Variants in ZNF516 observed in about 807,000 individuals in gnomAD.
The protein encoded by ZNF516 is zinc finger protein 516.
In ZNF516, 19 loss-of-function variants were observed where a neutral mutation model predicts 79.7. That is an observed-to-expected ratio of 0.24 (90% CI 0.17 to 0.35). The LOEUF is 0.35. Ranked by LOEUF, ZNF516 falls within the 10% of genes least tolerant of loss-of-function variation. ZNF516 has a pLI of 1.00. For synonymous variants in ZNF516, 877 were observed against 739.5 expected (o/e 1.19, Z -3.02); for missense variants, 1,678 against 1,679.5 (o/e 1.00, Z 0.02).
chr18:76,404,737 C>T (rs957171543), intron 3 of ZNF516, among the ~76,000 whole-genome samples: 27 of 1,746 alleles, frequency 0.015, no homozygotes, highest in Middle Eastern at 0.5. Flanking sequence ...TCAGCATGTG[C>T]GTTGTGTGTG....
At chr18:76,370,506 T>C (rs1312771965) in intron 6 of ZNF516, 22 bp downstream of exon 6, 4 of 1,588,666 alleles carry the variant, frequency 2.5e-6, no homozygotes, top group Non-Finnish European at 2.6e-6. Flanking sequence ...AACCCAGACA[T>C]CCAATTCATC....
At chr18:76,490,403 A>T (rs1029876794) in intron 1 of ZNF516, among the ~76,000 whole-genome samples, 1 of 152,262 alleles carries the variant, frequency 6.6e-6, no homozygotes, top group Non-Finnish European at 1.5e-5. Context: ...CAAAGAATGC[A>T]AGTGAAAATG....
chr18:76,420,046 C>T (rs2075485819), intron 3 of ZNF516, among the ~76,000 whole-genome samples: 1 of 152,234 alleles, frequency 6.6e-6, no homozygotes, highest in Non-Finnish European at 1.5e-5. Context: ...CTGGGGATCC[C>T]ATGGCTCCCA....
intron 1 of ZNF516, among the ~76,000 whole-genome samples, chr18:76,469,421 C>T (rs1913694507): frequency 6.6e-6 from 1 of 152,086 alleles, no homozygotes; most frequent in African/African-American, 2.4e-5. Context: ...AAAGAAGGCA[C>T]TCATGATTTT....
intron 2 of ZNF516, among the ~76,000 whole-genome samples, chr18:76,447,398 C>A (rs1912122036): frequency 6.6e-6 from 1 of 152,206 alleles, no homozygotes; most frequent in Non-Finnish European, 1.5e-5. Context: ...GGAGCAGCGC[C>A]GTGTGATAAA....
At chr18:76,496,337 C>A, upstream of ZNF516, 1 of 1,289,642 alleles carries the variant, frequency 7.8e-7, no homozygotes, top group Non-Finnish European at 1.0e-6. Flanking sequence ...AGGTGGATTC[C>A]GTCCAAGACG....
intron 1 of ZNF516, among the ~76,000 whole-genome samples, chr18:76,481,573 T>G (rs1011990285): frequency 6.6e-6 from 1 of 152,212 alleles, no homozygotes; most frequent in Non-Finnish European, 1.5e-5. Flanking sequence ...TGTGGGACTT[T>G]GATGAAGTTA....
At chr18:76,445,899 G>C (rs1912017404) in intron 2 of ZNF516, among the ~76,000 whole-genome samples, 1 of 152,258 alleles carries the variant, frequency 6.6e-6, no homozygotes, top group African/African-American at 2.4e-5. Context: ...AGGGCTATCA[G>C]CTCCTGCCTT....
intron 1 of ZNF516, among the ~76,000 whole-genome samples, chr18:76,485,201 T>G (rs1219729625): frequency 6.6e-6 from 1 of 152,182 alleles, no homozygotes; most frequent in Admixed American, 6.5e-5. Flanking sequence ...TTATGCTTGG[T>G]GTTACTCAAA....
chr18:76,370,267 T>A (rs545949741), intron 6 of ZNF516, among the ~76,000 whole-genome samples: 2 of 152,282 alleles, frequency 1.3e-5, no homozygotes, highest in Admixed American at 1.3e-4. Context: ...CGCCAGTCTA[T>A]CCCGACTTCC....
chr18:76,364,412 G>T (rs2074583670), intron 6 of ZNF516, among the ~76,000 whole-genome samples: 1 of 152,224 alleles, frequency 6.6e-6, no homozygotes, highest in Non-Finnish European at 1.5e-5. Context: ...AATCTTTTGA[G>T]CACGCCCACC....
Position 76,396,493 on chromosome 18 carries a change from C to T in ZNF516, c.1811-16190G>A, listed in dbSNP as rs146817592. Among the ~76,000 whole-genome samples the T allele has an allele frequency of 5.8e-3, 890 of 152,264 alleles. 10 individuals are homozygous for T. Among genetic ancestry groups the T allele is most frequent in the African/African-American group, 0.021 (858 of 41,548 alleles). On this transcript the variant is annotated intron_variant, in intron 3 of 6. Transcript: ENST00000443185. ...AATCTGTAGTAACTTTTATAACAGA[C>T]ATGACTAGTTAACAAAAAACTGGAT...
intron 3 of ZNF516, chr18:76,385,830 C>G (rs2074982639): frequency 6.6e-6 from 1 of 152,208 alleles, no homozygotes; most frequent in Non-Finnish European, 1.5e-5. Flanking sequence ...CTCCTCCTCC[C>G]AGGCAGCCCA....
Position 76,359,625 on chromosome 18 carries a change from A to G in ZNF516, c.*2873T>C, listed in dbSNP as rs2074501509. 1 of 152,268 alleles carries G rather than the reference A, an allele frequency of 6.6e-6. No individual in the cohort carries two copies. The highest frequency in any genetic ancestry group is 1.5e-5 in the Non-Finnish European group (1 of 68,080). The allele number at this position is 152,268 out of a possible 1,614,324, so 9.4% of individuals were successfully genotyped here. A position where few individuals can be genotyped will look rare whatever the true frequency, so the allele number is the denominator to read the frequency against. On this transcript the variant is annotated 3_prime_UTR_variant, in exon 7 of 7. Coordinates refer to ENST00000443185, the MANE Select transcript of ZNF516 (RefSeq NM_014643.4). ...AGGCCCCAGCAGGGGCAGAGCGGGAAGCAGCGAGCGGAAAGCAGGGGAGAG... is the reference window on the plus strand; with the variant it reads ...AGGCCCCAGCAGGGGCAGAGCGGGAGGCAGCGAGCGGAAAGCAGGGGAGAG...
chr18:76,486,214 T>C (rs376014076), intron 1 of ZNF516, among the ~76,000 whole-genome samples: 2 of 152,352 alleles, frequency 1.3e-5, no homozygotes, highest in South Asian at 2.1e-4. Flanking sequence ...ACGACCATTC[T>C]GTACAACTTT....
intron 6 of ZNF516, among the ~76,000 whole-genome samples, chr18:76,368,348 T>C (rs1460035939): frequency 6.6e-6 from 1 of 152,070 alleles, no homozygotes; most frequent in Non-Finnish European, 1.5e-5. Flanking sequence ...GAGCATTCAG[T>C]GATAAATCAC....
In ZNF516 at chr18:76,365,041, G is replaced by C. The variant is rs532447615; in HGVS notation, c.3433-2484C>G. ...TCTGTGATGCTGAGACTCTGAAAGT[G>C]ATACTGAAAATAGATTATGCATATA... On this transcript the variant is annotated intron_variant, in intron 6 of 6. Transcript: ENST00000443185. 5.9e-5 allele frequency among the ~76,000 whole-genome samples: 9 copies of C among 152,188 alleles called. No homozygotes were observed. The South Asian group carries it at 6.2e-4, about 11-fold the overall frequency.
At chr18:76,436,931 G>A (rs2075746528) in intron 3 of ZNF516, among the ~76,000 whole-genome samples, 1 of 152,210 alleles carries the variant, frequency 6.6e-6, no homozygotes, top group East Asian at 1.9e-4. Flanking sequence ...TTAGCCACGT[G>A]TGGTGACCGC....
intron 4 of ZNF516, chr18:76,378,287 T>C (rs2074819915): frequency 6.6e-6 from 1 of 152,260 alleles, no homozygotes; most frequent in Non-Finnish European, 1.5e-5. Context: ...AGTATTTTTT[T>C]CAGGAATTTT....
Sources: allele counts gnomAD v4.1 joint callset (sites outside exome capture counted in the v4.1 genomes callset), GRCh38; gene constraint gnomAD v4.1.1; transcripts MANE v1.5; gene names NCBI Gene and HGNC (gene_info 2026-07-23, HGNC 2026-07-21).